PCDH15: variants seen among roughly 807,000 people sequenced by gnomAD.
PCDH15 encodes protocadherin-15.
A neutral mutation model predicts 178.5 loss-of-function variants in PCDH15; 129 were observed. The observed-to-expected ratio is 0.72, with a 90% CI of 0.63 to 0.84. The LOEUF is 0.84. Among genes scored for constraint, PCDH15 ranks in the 40% least tolerant of loss-of-function variants. The pLI is 0.00. For missense variants in PCDH15, 2,230 were observed against 2,099.9 expected (o/e 1.06, Z -1.21); for synonymous variants, 800 against 732.0 (o/e 1.09, Z -1.50).
At chr10:55,598,220 T>A (rs891285251) in intron 2 of PCDH15, among the ~76,000 whole-genome samples, 1 of 151,850 alleles carries the variant, frequency 6.6e-6, no homozygotes, top group Non-Finnish European at 1.5e-5. Flanking sequence ...TTAAGCTCTA[T>A]CTAAATCGTA....
At chr10:54,020,769 AT>A (rs1004946026) in intron 19 of PCDH15, among the ~76,000 whole-genome samples, 4 of 151,932 alleles carry the variant, frequency 2.6e-5, no homozygotes, top group African/African-American at 9.7e-5. Context: ...CAGTAAAAAA[AT>A]AAATATTGTC....
At chr10:53,983,404 T>C (rs967393460) in intron 21 of PCDH15, among the ~76,000 whole-genome samples, 6 of 151,350 alleles carry the variant, frequency 4.0e-5, no homozygotes, top group Admixed American at 1.3e-4. Flanking sequence ...ATGTAACCAC[T>C]GAGAAAGTCC....
At chr10:54,840,569 G>A (rs1953400404) in intron 3 of PCDH15, among the ~76,000 whole-genome samples, 1 of 151,420 alleles carries the variant, frequency 6.6e-6, no homozygotes, top group Non-Finnish European at 1.5e-5. Flanking sequence ...TTAACAGAAT[G>A]GCAAAACTAA....
chr10:54,074,387 G>A (rs938163546), intron 17 of PCDH15, among the ~76,000 whole-genome samples: 2 of 151,974 alleles, frequency 1.3e-5, no homozygotes, highest in African/African-American at 4.8e-5. Flanking sequence ...ATTCTACTTT[G>A]AGTCTTTGTG....
intron 1 of PCDH15, among the ~76,000 whole-genome samples, chr10:55,259,490 T>C (rs1382036658): frequency 6.6e-6 from 1 of 152,116 alleles, no homozygotes; most frequent in East Asian, 1.9e-4. Context: ...ATCATTTTAT[T>C]TGGGAAAATG....
At chr10:53,996,945 ATT>A (rs975456251) in intron 20 of PCDH15, among the ~76,000 whole-genome samples, 39 of 152,082 alleles carry the variant, frequency 2.6e-4, no homozygotes, top group Admixed American at 2.5e-3. Flanking sequence ...AGACACAACA[ATT>A]TTCCTGTACA....
intron 2 of PCDH15, among the ~76,000 whole-genome samples, chr10:54,906,849 T>G (rs1184307599): frequency 6.6e-5 from 10 of 152,194 alleles, no homozygotes. Context: ...AATTTCTGTT[T>G]TCTCATAAGA....
At chr10:53,839,987 A>T (rs2077541900) in intron 29 of PCDH15, among the ~76,000 whole-genome samples, 1 of 152,198 alleles carries the variant, frequency 6.6e-6, no homozygotes, top group African/African-American at 2.4e-5. Flanking sequence ...CCTCTTTAAG[A>T]ATCTGTGCTT....
At chr10:53,818,127 T>C (rs761746721) in intron 33 of PCDH15, 114 bp from the exon 34 acceptor site, 41 of 393,534 alleles carry the variant, frequency 1.0e-4, no homozygotes, top group Non-Finnish European at 1.7e-4. Context: ...GAGAAGACAA[T>C]TTCTACTAAA....
At chr10:54,826,412 T>C (rs959621997) in intron 3 of PCDH15, among the ~76,000 whole-genome samples, 14 of 151,866 alleles carry the variant, frequency 9.2e-5, no homozygotes, top group African/African-American at 2.9e-4. Flanking sequence ...GAATATAAGA[T>C]GGCAAGATAC....
intron 10 of PCDH15, among the ~76,000 whole-genome samples, chr10:54,198,951 T>C (rs181892898): frequency 3.3e-5 from 5 of 152,284 alleles, no homozygotes; most frequent in Admixed American, 3.3e-4. Context: ...AGCTTACATT[T>C]TACATTCAGA....
chr10:55,350,812 C>T lies in PCDH15; in HGVS notation c.-155-184161G>A, dbSNP rs116819203. Among the ~76,000 whole-genome samples, 851 of 152,006 alleles carry T rather than the reference C, an allele frequency of 5.6e-3. 10 individuals carry two copies. The highest frequency in any genetic ancestry group is 0.02 in the African/African-American group (812 of 41,490). Reference sequence around the variant, plus strand: ...ATTTTTCTTTTCTTGTTTTTTTACACAGTATTTAGTAACATGGGAAATTCT... The same window carrying T: ...ATTTTTCTTTTCTTGTTTTTTTACATAGTATTTAGTAACATGGGAAATTCT... On this transcript the variant is annotated intron_variant, in intron 2 of 5. Coordinates refer to the PCDH15 transcript ENST00000613346.
Position 53,806,934 on chromosome 10 carries a change from A to G in PCDH15, c.4868T>C (p.Leu1623Ser), listed in dbSNP as rs1841209892. 3 of 1,613,796 alleles carry G rather than the reference A, an allele frequency of 1.9e-6. No individual in the cohort carries two copies. The highest frequency in any genetic ancestry group is 2.5e-6 in the Non-Finnish European group (3 of 1,179,816). ...CAGTCGAACAGGGGAAGCAACTTTT[A>G]AGTTGTCCGTGAGGCAGGCACGGCG... ...RTRRACLTDN[L>S]KVASPVRLGG... is the part of the protein sequence containing the mutation. The change falls in exon 38 of 38, where the codon TTA becomes TCA. Residue 1623 changes from leucine (L) to serine (S), a missense_variant. Leu to Ser is a moderately radical substitution (Grantham distance 145). Transcript: ENST00000644397.
intron 3 of PCDH15, among the ~76,000 whole-genome samples, chr10:54,818,571 C>T (rs904771253): frequency 6.6e-6 from 1 of 152,008 alleles, no homozygotes; most frequent in African/African-American, 2.4e-5. Flanking sequence ...CCTGAACTGC[C>T]ATATAAGCAG....
intron 18 of PCDH15, among the ~76,000 whole-genome samples, chr10:54,039,272 A>G (rs2093487044): frequency 6.6e-6 from 1 of 151,988 alleles, no homozygotes; most frequent in Non-Finnish European, 1.5e-5. Flanking sequence ...GTGTAGCATT[A>G]TTAATTATTC....
intron 2 of PCDH15, among the ~76,000 whole-genome samples, chr10:55,082,990 C>G (rs560337318): frequency 6.6e-6 from 1 of 152,048 alleles, no homozygotes; most frequent in Admixed American, 6.6e-5. Context: ...TAATACCAGT[C>G]CTACTCAAAC....
intron 3 of PCDH15, among the ~76,000 whole-genome samples, chr10:54,853,316 T>TAC (rs1231984925): frequency 3.2e-4 from 37 of 115,130 alleles, no homozygotes; most frequent in African/African-American, 9.4e-4. Flanking sequence ...TATATATATA[T>TAC]ATACATACAC....
intron 1 of PCDH15, among the ~76,000 whole-genome samples, chr10:54,672,264 C>T (rs2094689110): frequency 1.3e-5 from 2 of 151,614 alleles, no homozygotes; most frequent in African/African-American, 4.8e-5. Context: ...AAATGGAATG[C>T]ACCTAAATCA....
chr10:55,564,941 A>G (rs1334873682), intron 2 of PCDH15, among the ~76,000 whole-genome samples: 11 of 151,702 alleles, frequency 7.3e-5, no homozygotes, highest in African/African-American at 2.7e-4. Context: ...GGATAAACCA[A>G]TCAGAAGATA....
Sources: allele counts gnomAD v4.1 joint callset (sites outside exome capture counted in the v4.1 genomes callset), GRCh38; gene constraint gnomAD v4.1.1; transcripts MANE v1.5; gene names NCBI Gene and HGNC (gene_info 2026-07-23, HGNC 2026-07-21).